The following GHR variants were observed in gnomAD, a reference collection of about 807,000 sequenced individuals.
GHR encodes GH receptor.
In GHR, 35 loss-of-function variants were observed where a neutral mutation model predicts 67.1. The ratio of observed to expected loss-of-function variants is 0.52; its 90% confidence interval spans 0.40 to 0.69. GHR has a LOEUF of 0.69. Ranked by LOEUF, GHR falls within the 30% of genes least tolerant of loss-of-function variation. The pLI, the probability that GHR is intolerant of heterozygous loss-of-function variation, is 0.00. For missense variants in GHR, 792 were observed against 764.6 expected (o/e 1.04, Z -0.42); for synonymous variants, 272 against 269.1 (o/e 1.01, Z -0.10).
chr5:42,650,576 A>ACATATATATATAT (rs1238563261), intron 3 of GHR, among the ~76,000 whole-genome samples: 11 of 53,382 alleles, frequency 2.1e-4, no homozygotes, highest in African/African-American at 8.5e-4. Context: ...TTTTACAGAT[A>ACATATATATATAT]ACATATATAT....
chr5:42,575,435 T>A (rs949412079), intron 2 of GHR, among the ~76,000 whole-genome samples: 5 of 151,926 alleles, frequency 3.3e-5, no homozygotes, highest in Non-Finnish European at 7.4e-5. Flanking sequence ...GAGAAAGCGA[T>A]AGGAGAGTCA....
chr5:42,584,936 G>A (rs181394522), intron 2 of GHR, among the ~76,000 whole-genome samples: 8 of 152,200 alleles, frequency 5.3e-5, no homozygotes, highest in East Asian at 3.9e-4. Flanking sequence ...GGTAAAGAGC[G>A]GAAAGAGTAA....
At chr5:42,484,276 G>T (rs371118655) in intron 1 of GHR, among the ~76,000 whole-genome samples, 21 of 152,316 alleles carry the variant, frequency 1.4e-4, no homozygotes, top group African/African-American at 5.1e-4. Flanking sequence ...AGACTCATGT[G>T]TGTGGTGTCT....
At chr5:42,587,951 C>A (rs1751571018) in intron 2 of GHR, among the ~76,000 whole-genome samples, 4 of 152,180 alleles carry the variant, frequency 2.6e-5, no homozygotes, top group Admixed American at 2.6e-4. Flanking sequence ...TGACTGAGGG[C>A]CAAGCTTCTG....
At chr5:42,425,132 T>G in intron 1 of GHR, 1 of 498,592 alleles carries the variant, frequency 2.0e-6, no homozygotes, top group Non-Finnish European at 2.6e-6. Context: ...TTGCCCTGAG[T>G]GGCTGAGGAC....
intron 1 of GHR, among the ~76,000 whole-genome samples, chr5:42,553,292 T>C (rs912257044): frequency 1.3e-5 from 2 of 152,172 alleles, no homozygotes; most frequent in South Asian, 2.1e-4. Context: ...TCCAAGCTCA[T>C]TCCAGTTGTT....
intron 5 of GHR, among the ~76,000 whole-genome samples, chr5:42,695,615 T>G (rs545988855): frequency 6.6e-6 from 1 of 152,290 alleles, no homozygotes; most frequent in East Asian, 1.9e-4. Context: ...GAACAAATAC[T>G]GGAGACAATC....
intron 1 of GHR, chr5:42,549,712 C>T: frequency 1.0e-6 from 1 of 956,954 alleles, no homozygotes; most frequent in African/African-American, 1.8e-5. Flanking sequence ...GAAGAGGCCA[C>T]ATCAGATCAC....
Position 42,719,283 on chromosome 5 carries a change from C to T in GHR, c.1776C>T (p.Val592=). 3 of 1,614,130 alleles carry T rather than the reference C, an allele frequency of 1.9e-6. No homozygotes were observed. The highest frequency in any genetic ancestry group is 2.2e-5 in the South Asian group (2 of 91,082). ...GEHVPGSEMP[V]PDYTSIHIVQ... ...ATGTTCCAGGTTCTGAGATGCCTGT[C>T]CCAGACTATACCTCCATTCATATAG... The change falls in exon 10 of 10, where the codon GTC becomes GTT. Residue 592 remains valine (V), a synonymous_variant. Transcript: ENST00000230882.
chr5:42,494,015 G>T (rs1218728005), intron 1 of GHR, among the ~76,000 whole-genome samples: 1 of 152,168 alleles, frequency 6.6e-6, no homozygotes, highest in Non-Finnish European at 1.5e-5. Context: ...ATCCCTCACT[G>T]CAGCAGAGTT....
At chr5:42,655,074 T>G (rs962404925) in intron 3 of GHR, among the ~76,000 whole-genome samples, 2 of 152,144 alleles carry the variant, frequency 1.3e-5, no homozygotes, top group African/African-American at 2.4e-5. Flanking sequence ...CTCATTCTCC[T>G]ATATAGTCCA....
rs138665572 is a variant in GHR at position 42,693,702 on chromosome 5, G to A, written c.267-1215G>A. 4.3e-3 allele frequency among the ~76,000 whole-genome samples: 647 copies of A among 152,122 alleles called. 8 individuals carry two copies. The highest frequency in any genetic ancestry group is 0.014 in the African/African-American group (569 of 41,504). ...CCCTACAACCTGCATTGTCTTCATT[G>A]TCCACTGCTGCCCAGCACCCATCCC... On this transcript the variant is annotated intron_variant, in intron 4 of 9. Coordinates refer to ENST00000230882, the MANE Select transcript of GHR (RefSeq NM_000163.5).
At chr5:42,681,853 A>G (rs932716035) in intron 3 of GHR, among the ~76,000 whole-genome samples, 3 of 147,064 alleles carry the variant, frequency 2.0e-5, no homozygotes, top group Admixed American at 7.0e-5. Flanking sequence ...GGAGAATGGC[A>G]TGAACCCGGG....
chr5:42,667,108 C>T (rs1334064181), intron 3 of GHR, among the ~76,000 whole-genome samples: 1 of 152,140 alleles, frequency 6.6e-6, no homozygotes, highest in Non-Finnish European at 1.5e-5. Context: ...GCACACCCCA[C>T]CACTATATAT....
At position 42,585,160 on chromosome 5, in the gene GHR, T is replaced by C. The variant is rs572632557; in HGVS notation, c.70+19216T>C. ...CCCCTGAATAGTCAGATAAAAATCA[T>C]GTTAATTAAAATTAAATAGCTATTG... On this transcript the variant is annotated intron_variant, in intron 2 of 9. Transcript: ENST00000230882. Among the ~76,000 whole-genome samples, 206 of 152,342 alleles carry C rather than the reference T, an allele frequency of 1.4e-3. 1 individual carries two copies. Among genetic ancestry groups the C allele is most frequent in the Middle Eastern group, 0.01 (3 of 294 alleles).
chr5:42,542,187 G>A (rs560314944), intron 1 of GHR, among the ~76,000 whole-genome samples: 1 of 152,278 alleles, frequency 6.6e-6, no homozygotes. Flanking sequence ...TGACCAGGAT[G>A]AAGTACTTAC....
chr5:42,503,198 G>T (rs1746615937), intron 1 of GHR, among the ~76,000 whole-genome samples: 1 of 152,154 alleles, frequency 6.6e-6, no homozygotes, highest in Non-Finnish European at 1.5e-5. Context: ...AAAATTCCTT[G>T]TATTGGCATG....
chr5:42,690,582 T>C (rs973919097), intron 4 of GHR, among the ~76,000 whole-genome samples: 11 of 152,198 alleles, frequency 7.2e-5, no homozygotes, highest in Admixed American at 5.9e-4. Flanking sequence ...CAGTAAATTG[T>C]TATAATTATT....
chr5:42,539,540 C>G (rs951560385), intron 1 of GHR, among the ~76,000 whole-genome samples: 1 of 152,198 alleles, frequency 6.6e-6, no homozygotes. Context: ...GGTCTCTCAG[C>G]CATGGATACC....
Sources: gnomAD v4.1 joint callset for allele counts (sites outside exome capture counted in the v4.1 genomes callset) on GRCh38, gnomAD v4.1.1 for gene constraint, MANE v1.5 for transcripts, NCBI Gene and HGNC (gene_info 2026-07-23, HGNC 2026-07-21) for gene names.